Variants in CDH2 observed in about 807,000 individuals in gnomAD.
CDH2 encodes the protein cadherin-2.
In CDH2, 17 loss-of-function variants were observed where a neutral mutation model predicts 92.0. The ratio of observed to expected loss-of-function variants is 0.18; its 90% CI spans 0.13 to 0.28. The LOEUF (loss-of-function observed/expected upper bound fraction) is 0.28, where lower values mean the gene tolerates loss of function less well. Among genes scored for constraint, CDH2 ranks in the 10% least tolerant of loss-of-function variants. The pLI is 1.00. For synonymous variants in CDH2, 419 were observed against 415.9 expected, an observed-to-expected ratio of 1.01 and a Z score of -0.09; for missense variants, 862 against 1,133.1, an observed-to-expected ratio of 0.76 and a Z score of 3.44.
At chr18:28,141,422 G>T (rs1278785046) in intron 2 of CDH2, among the ~76,000 whole-genome samples, 1 of 151,920 alleles carries the variant, frequency 6.6e-6, no homozygotes, top group East Asian at 1.9e-4. Context: ...AAGCATTTTA[G>T]AACTAGATAG....
chr18:28,159,449 G>A (rs2016271755), intron 1 of CDH2, among the ~76,000 whole-genome samples: 2 of 152,158 alleles, frequency 1.3e-5, no homozygotes, highest in African/African-American at 4.8e-5. Context: ...TGATTCTGCT[G>A]GCTTACATTT....
In CDH2 at chr18:28,003,030, G is replaced by A. The variant is rs767042184; in HGVS notation, c.987C>T (p.Asp329=). 1.3e-5 allele frequency: 21 copies of A among 1,614,060 alleles called. No homozygotes were observed. The East Asian group carries it at 4.5e-4, about 34-fold the overall frequency. Residue 329 remains aspartate, a synonymous_variant, in exon 7 of 16, where the codon GAC becomes GAT. Transcript: ENST00000269141. ...CAAGTCCAGCTGCCACTGTGATGAT[G>A]TCACCAGTCTCATTGTTGATTGTAA... is the stretch of plus-strand genomic sequence containing the variant. ...NMFTINNETG[D]IITVAAGLDR...
intron 14 of CDH2, among the ~76,000 whole-genome samples, chr18:27,967,947 C>T (rs554098226): frequency 6.6e-5 from 10 of 152,294 alleles, no homozygotes; most frequent in Admixed American, 5.2e-4. Flanking sequence ...GCAAATACTT[C>T]CAAAAACTAC....
At chr18:28,082,871 A>G (rs888641490) in intron 2 of CDH2, among the ~76,000 whole-genome samples, 4 of 152,214 alleles carry the variant, frequency 2.6e-5, no homozygotes, top group African/African-American at 9.6e-5. Flanking sequence ...CACTGGTGGA[A>G]GGCTGGATTG....
At chr18:28,055,971 C>T (rs1423474073) in intron 2 of CDH2, among the ~76,000 whole-genome samples, 2 of 151,982 alleles carry the variant, frequency 1.3e-5, no homozygotes, top group Non-Finnish European at 2.9e-5. Flanking sequence ...GTTAAATATT[C>T]TAATGACTAT....
chr18:27,979,621 G>T (rs2143937305), intron 14 of CDH2, among the ~76,000 whole-genome samples: 1 of 152,322 alleles, frequency 6.6e-6, no homozygotes, highest in East Asian at 1.9e-4. Context: ...TCTTCCAACA[G>T]AATACTATTC....
rs28365276 is a variant in CDH2 at position 27,981,144 on chromosome 18, C to T, written c.2349+1800G>A. Among the ~76,000 whole-genome samples the T allele has an allele frequency of 3.2e-4, 49 of 152,158 alleles. 2 individuals carry two copies. In the East Asian group the frequency reaches 8.9e-3, roughly 28 times the overall value. On this transcript the variant is annotated intron_variant, in intron 14 of 15. Transcript: ENST00000269141. ...ATTTTGGGCAGCATCCAGTTACTAC[C>T]GGTGGTCTTACAGTTATTACTACTT...
At chr18:27,934,138 A>G (rs993229381) in intron 6 of CDH2, among the ~76,000 whole-genome samples, 2 of 152,120 alleles carry the variant, frequency 1.3e-5, no homozygotes, top group Admixed American at 6.5e-5. Context: ...TATTAATACC[A>G]TTTTCTTTAC....
intron 1 of CDH2, among the ~76,000 whole-genome samples, chr18:28,161,188 C>G (rs2016301392): frequency 6.6e-6 from 1 of 152,268 alleles, no homozygotes; most frequent in African/African-American, 2.4e-5. Flanking sequence ...AACAATTTCA[C>G]CTGGATGACT....
chr18:28,116,416 C>T (rs1208808836), intron 2 of CDH2, among the ~76,000 whole-genome samples: 6 of 152,230 alleles, frequency 3.9e-5, no homozygotes, highest in Non-Finnish European at 7.4e-5. Context: ...CACATTTTCT[C>T]CTCAGACTCT....
intron 2 of CDH2, among the ~76,000 whole-genome samples, chr18:28,125,869 T>G (rs2015669200): frequency 6.6e-6 from 1 of 152,134 alleles, no homozygotes; most frequent in African/African-American, 2.4e-5. Context: ...TTAAGAAATA[T>G]TTTAGGGTGT....
intron 5 of CDH2, among the ~76,000 whole-genome samples, chr18:28,008,038 T>C (rs1368035090): frequency 6.6e-6 from 1 of 152,204 alleles, no homozygotes; most frequent in African/African-American, 2.4e-5. Flanking sequence ...CCGACTGGTA[T>C]TGCTCTTTTA....
chr18:28,109,529 T>C (rs576398975), intron 2 of CDH2, among the ~76,000 whole-genome samples: 46 of 152,264 alleles, frequency 3.0e-4, no homozygotes, highest in South Asian at 1.0e-3. Context: ...TAGTAATACA[T>C]AGAAACAAGA....
chr18:28,175,649 C>T (rs2144378657), intron 1 of CDH2, among the ~76,000 whole-genome samples: 1 of 152,284 alleles, frequency 6.6e-6, no homozygotes, highest in East Asian at 1.9e-4. Context: ...CGGAGCGCGC[C>T]AGGCCCTGAC....
intron 1 of CDH2, among the ~76,000 whole-genome samples, chr18:28,171,287 G>A (rs1480298551): frequency 6.7e-6 from 1 of 150,024 alleles, no homozygotes; most frequent in African/African-American, 2.5e-5. Context: ...TATTTTTAAT[G>A]CTGACCCACT....
chr18:27,975,299 C>T (rs889588852), intron 14 of CDH2, among the ~76,000 whole-genome samples: 9 of 152,322 alleles, frequency 5.9e-5, no homozygotes, highest in Middle Eastern at 3.4e-3. Context: ...TCCACAGCCA[C>T]GTAGCCTTAC....
chr18:28,139,089 C>A (rs1387522031), intron 2 of CDH2, among the ~76,000 whole-genome samples: 2 of 152,026 alleles, frequency 1.3e-5, no homozygotes, highest in Non-Finnish European at 2.9e-5. Flanking sequence ...GACATAAAAT[C>A]ATCAAGACAA....
chr18:28,141,304 C>T (rs61683522), intron 2 of CDH2, among the ~76,000 whole-genome samples: 2 of 151,746 alleles, frequency 1.3e-5, no homozygotes, highest in Non-Finnish European at 2.9e-5. Context: ...AAATATTATG[C>T]TAAATGAAAG....
intron 2 of CDH2, among the ~76,000 whole-genome samples, chr18:28,113,132 G>A (rs181094860): frequency 2.4e-4 from 37 of 152,218 alleles, no homozygotes; most frequent in South Asian, 1.2e-3. Context: ...ATAGGAATTA[G>A]GACAGTGGAA....
Sources: allele counts gnomAD v4.1 joint callset (sites outside exome capture counted in the v4.1 genomes callset), GRCh38; gene constraint gnomAD v4.1.1; transcripts MANE v1.5; gene names NCBI Gene and HGNC (gene_info 2026-07-23, HGNC 2026-07-21).